The following FHIP1B variants were observed in gnomAD, a reference collection of about 807,000 sequenced individuals.
The protein encoded by FHIP1B is FHF complex subunit HOOK interacting protein 1B.
A neutral mutation model predicts 82.2 loss-of-function variants in FHIP1B; 28 were observed. That is an observed-to-expected ratio of 0.34 (90% CI 0.25 to 0.47). The LOEUF is 0.47. Ranked by LOEUF, FHIP1B falls within the 20% of genes least tolerant of loss-of-function variation. The pLI, the probability that FHIP1B is intolerant of heterozygous loss-of-function variation, is 1.00. For synonymous variants in FHIP1B, 585 were observed against 516.1 expected (o/e 1.13, Z -1.81); for missense variants, 1,110 against 1,262.6 (o/e 0.88, Z 1.83).
intron 8 of FHIP1B, 171 bp downstream of exon 8, chr11:6,218,429 G>T: frequency 9.5e-7 from 1 of 1,049,278 alleles, no homozygotes; most frequent in Non-Finnish European, 1.4e-6. Context: ...TTTCTTTGGT[G>T]AGTGTTAAGG....
chr11:6,222,008 G>C (rs568040102), intron 6 of FHIP1B, among the ~76,000 whole-genome samples: 1 of 152,302 alleles, frequency 6.6e-6, no homozygotes, highest in Admixed American at 6.5e-5. Context: ...TAGTTCAAAA[G>C]CAGCAAATCC....
chr11:6,221,050 G>T (rs1847391609), intron 6 of FHIP1B, among the ~76,000 whole-genome samples: 1 of 152,166 alleles, frequency 6.6e-6, no homozygotes, highest in African/African-American at 2.4e-5. Context: ...AAAGATTCAC[G>T]AAATCTGAGG....
chr11:6,215,066 G>A (rs937957424), intron 9 of FHIP1B, 155 bp from the exon 10 acceptor site: 2 of 653,548 alleles, frequency 3.1e-6, no homozygotes, highest in Non-Finnish European at 2.4e-6. Context: ...ACCTATTCTG[G>A]AGGAAATAAG....
intron 1 of FHIP1B, among the ~76,000 whole-genome samples, chr11:6,225,768 T>A (rs529898324): frequency 6.6e-6 from 1 of 152,144 alleles, no homozygotes; most frequent in Non-Finnish European, 1.5e-5. Context: ...CAGTGACCTA[T>A]GGGAGATGAG....
At chr11:6,219,101 C>T (rs751752273) in intron 6 of FHIP1B, 51 bp from the exon 7 acceptor site, 1 of 1,456,870 alleles carries the variant, frequency 6.9e-7, no homozygotes, top group South Asian at 1.2e-5. Context: ...TCTCTGCCCT[C>T]CAAGCCATTC....
Position 6,214,921 on chromosome 11 carries a change from G to T in FHIP1B, c.2216-10C>A, listed in dbSNP as rs374437866. ...ACAGCCATGAAGGGGCCTGGGTTGG[G>T]GGGGAGGTGGGCACAAGGATACAAA... On this transcript the variant is annotated splice_polypyrimidine_tract_variant and intron_variant, in intron 9 of 11. Coordinates refer to ENST00000449352, the MANE Select transcript of FHIP1B (RefSeq NM_001098794.2). 1.7e-5 allele frequency: 26 copies of T among 1,541,318 alleles called. No individual in the cohort carries two copies. In the East Asian group the frequency reaches 1.8e-4, roughly 11 times the overall value.
intron 11 of FHIP1B, among the ~76,000 whole-genome samples, chr11:6,213,441 C>G (rs1469475406): frequency 6.6e-6 from 1 of 152,174 alleles, no homozygotes; most frequent in Non-Finnish European, 1.5e-5. Context: ...CAAAGTTAAT[C>G]TTTTTCTATT....
Position 6,224,189 on chromosome 11 carries a change from G to A in FHIP1B, c.198C>T (p.Leu66=). ...GGTAAGTGTGGTTGCGCACAGCACT[G>A]AGATCGTCTGCACCCCCAGGAGCTG... ...PRAAPGGADD[L]SAVRNHTYQM... is the part of the protein sequence containing the mutation. Residue 66 remains leucine (L), a synonymous_variant, in exon 3 of 12, where the codon CTC becomes CTT. Coordinates refer to ENST00000449352, the MANE Select transcript of FHIP1B (RefSeq NM_001098794.2). 1 of 1,613,138 alleles carries A rather than the reference G, an allele frequency of 6.2e-7. No homozygotes were observed. Among genetic ancestry groups the A allele is most frequent in the Non-Finnish European group, 8.5e-7 (1 of 1,179,486 alleles).
intron 1 of FHIP1B, among the ~76,000 whole-genome samples, chr11:6,227,295 C>A (rs1847588709): frequency 1.3e-5 from 2 of 152,326 alleles, no homozygotes; most frequent in East Asian, 3.9e-4. Flanking sequence ...AGGAGGAAAT[C>A]AAGGCCCAGA....
At chr11:6,229,466 G>T (rs1488810431) in intron 1 of FHIP1B, among the ~76,000 whole-genome samples, 3 of 152,168 alleles carry the variant, frequency 2.0e-5, no homozygotes, top group Non-Finnish European at 4.4e-5. Flanking sequence ...TGAGAAAAGA[G>T]ATATAACCTG....
intron 9 of FHIP1B, 60 bp from the exon 10 acceptor site, chr11:6,214,971 G>T: frequency 7.0e-7 from 1 of 1,419,408 alleles, no homozygotes; most frequent in Non-Finnish European, 9.3e-7. Flanking sequence ...CACATCGCAC[G>T]CATTCCTCCC....
At chr11:6,232,489 T>C (rs1225362024) in intron 1 of FHIP1B, among the ~76,000 whole-genome samples, 1 of 152,230 alleles carries the variant, frequency 6.6e-6, no homozygotes, top group Non-Finnish European at 1.5e-5. Flanking sequence ...CAGTGTCTAT[T>C]ATAAATCTTC....
rs1367526958 is a variant in FHIP1B at position 6,234,596 on chromosome 11, T to C, written c.-244A>G. 2 of 152,882 alleles carry C rather than the reference T, an allele frequency of 1.3e-5. No individual in the cohort carries two copies. Among genetic ancestry groups the C allele is most frequent in the African/African-American group, 2.4e-5 (1 of 41,446 alleles). 9.5% of individuals were successfully genotyped at this position (152,882 alleles called of 1,614,324 possible). A position where few individuals can be genotyped will look rare whatever the true frequency, so the allele number is the denominator to read the frequency against. On this transcript the variant is annotated 5_prime_UTR_variant, in exon 1 of 12. Coordinates refer to ENST00000449352, the MANE Select transcript of FHIP1B (RefSeq NM_001098794.2). ...CCGGGCCCGGTTGCTGCTGCGGTGTTAGGTGAGTTCAGGCCGCCGCCATCG... is the reference window on the plus strand; with the variant it reads ...CCGGGCCCGGTTGCTGCTGCGGTGTCAGGTGAGTTCAGGCCGCCGCCATCG...
At position 6,224,566 on chromosome 11, in the gene FHIP1B, T is replaced by C; in HGVS notation, c.-50A>G. On this transcript the variant is annotated 5_prime_UTR_variant, in exon 2 of 12. Coordinates refer to ENST00000449352, the MANE Select transcript of FHIP1B (RefSeq NM_001098794.2). The stretch of plus-strand genomic sequence containing the variant: ...GCCAGAGGCCTACACTCTGAGGATT[T>C]GCCAGCTGGAGGTTTTCTCCACTTG... The C allele has an allele frequency of 6.5e-7, 1 of 1,542,946 alleles. No individual in the cohort carries two copies. Among genetic ancestry groups the C allele is most frequent in the Non-Finnish European group, 8.7e-7 (1 of 1,149,878 alleles).
rs1384813121 is a variant in FHIP1B, at chr11:6,222,361, G to A, written c.1191+81C>T. 4.7e-6 allele frequency: 7 copies of A among 1,488,316 alleles called. No individual in the cohort carries two copies. The East Asian group carries it at 1.1e-4, about 24-fold the overall frequency. 92.2% of individuals were successfully genotyped at this position (1,488,316 alleles called of 1,614,324 possible). On this transcript the variant is annotated intron_variant, in intron 6 of 11. Transcript: ENST00000449352. ...TGCTGGAGATACAGGCAAAAGAAGG[G>A]CAGGAATACCCTCCCAGAACAAAGG... is the stretch of plus-strand genomic sequence containing the variant.
In FHIP1B at chr11:6,218,118, C is replaced by T. The variant is rs763409964; in HGVS notation, c.1468G>A (p.Val490Met). 5 of 1,612,534 alleles carry T rather than the reference C, an allele frequency of 3.1e-6. No individual in the cohort carries two copies. In the African/African-American group the frequency reaches 6.7e-5, roughly 22 times the overall value. ...GTGGAGGGCCGGGGTACTGTCGTCA[C>T]AGAAGAGGAGTCCACACTTGGGCTT... Reference protein sequence around the residue: ...PGSPSVDSSSVTTVPRPSTPS... With the variant: ...PGSPSVDSSSMTTVPRPSTPS... The change falls in exon 9 of 12, where the codon GTG becomes ATG. Residue 490 changes from valine (V) to methionine (M), a missense_variant. Coordinates refer to ENST00000449352, the MANE Select transcript of FHIP1B (RefSeq NM_001098794.2).
At chr11:6,228,792 C>G (rs1262543787) in intron 1 of FHIP1B, among the ~76,000 whole-genome samples, 1 of 151,728 alleles carries the variant, frequency 6.6e-6, no homozygotes, top group African/African-American at 2.4e-5. Flanking sequence ...ATCATTAACG[C>G]AGCAACAAAG....
chr11:6,219,718 T>G (rs1181587589), intron 6 of FHIP1B, among the ~76,000 whole-genome samples: 2 of 152,224 alleles, frequency 1.3e-5, no homozygotes, highest in Admixed American at 6.5e-5. Flanking sequence ...AAAACACATA[T>G]GTAACCTTTC....
chr11:6,229,060 C>T (rs915202409), intron 1 of FHIP1B, among the ~76,000 whole-genome samples: 1 of 152,224 alleles, frequency 6.6e-6, no homozygotes, highest in African/African-American at 2.4e-5. Flanking sequence ...CTTGAGCTAT[C>T]TGCCACCTGC....
Sources: allele counts gnomAD v4.1 joint callset (sites outside exome capture counted in the v4.1 genomes callset), GRCh38; gene constraint gnomAD v4.1.1; transcripts MANE v1.5; gene names NCBI Gene and HGNC (gene_info 2026-07-23, HGNC 2026-07-21).